Variants in ZFAND3 observed in about 807,000 individuals in gnomAD.
ZFAND3 encodes zinc finger AN1-type containing 3, also known as AN1-type zinc finger protein 3.
In ZFAND3, 10 loss-of-function variants were observed where a neutral mutation model predicts 29.6. The ratio of observed to expected loss-of-function variants is 0.34; its 90% CI spans 0.21 to 0.57. The LOEUF is 0.57. Ranked by LOEUF, ZFAND3 falls within the 20% of genes least tolerant of loss-of-function variation. ZFAND3 has a pLI of 0.86. For missense variants in ZFAND3, 230 were observed against 304.5 expected (o/e 0.76, Z 1.82); for synonymous variants, 128 against 112.6 (o/e 1.14, Z -0.87).
intron 1 of ZFAND3, among the ~76,000 whole-genome samples, chr6:37,863,662 C>A (rs1004247268): frequency 3.7e-4 from 55 of 148,864 alleles, no homozygotes; most frequent in Non-Finnish European, 6.1e-4. Context: ...AACATATTTT[C>A]AAATGGGTAA....
chr6:38,064,051 TTGA>T (rs1464981370), intron 3 of ZFAND3, among the ~76,000 whole-genome samples: 1 of 152,024 alleles, frequency 6.6e-6, no homozygotes, highest in African/African-American at 2.4e-5. Flanking sequence ...TACTGAGGAG[TTGA>T]TGACAGCTGT....
At chr6:37,957,501 T>C (rs1016086497) in intron 2 of ZFAND3, among the ~76,000 whole-genome samples, 1 of 152,110 alleles carries the variant, frequency 6.6e-6, no homozygotes, top group Non-Finnish European at 1.5e-5. Context: ...CATGTATACA[T>C]GTAAGTTGTT....
At chr6:38,071,259 C>T (rs926832246) in intron 3 of ZFAND3, among the ~76,000 whole-genome samples, 2 of 151,708 alleles carry the variant, frequency 1.3e-5, no homozygotes, top group Non-Finnish European at 2.9e-5. Context: ...TTTTGTCTTC[C>T]AGTTTTCTGT....
chr6:37,951,237 G>A (rs1030620020), intron 2 of ZFAND3, among the ~76,000 whole-genome samples: 2 of 152,112 alleles, frequency 1.3e-5, no homozygotes, highest in East Asian at 1.9e-4. Context: ...ATCCTGGAAC[G>A]TTGCCGAAGT....
intron 1 of ZFAND3, among the ~76,000 whole-genome samples, chr6:37,822,371 A>G (rs978781292): frequency 3.3e-5 from 5 of 152,196 alleles, no homozygotes; most frequent in South Asian, 2.1e-4. Flanking sequence ...AACCTTTCCT[A>G]AGGACGTTTG....
At chr6:37,920,357 T>C (rs1761355522) in intron 1 of ZFAND3, among the ~76,000 whole-genome samples, 1 of 152,084 alleles carries the variant, frequency 6.6e-6, no homozygotes, top group Non-Finnish European at 1.5e-5. Flanking sequence ...TCATATATTT[T>C]AATTTTTCTT....
At chr6:38,117,256 CTTTTTTTTTT>C (rs35684874) in intron 5 of ZFAND3, among the ~76,000 whole-genome samples, 4 of 96,352 alleles carry the variant, frequency 4.2e-5, no homozygotes, top group East Asian at 2.8e-4. Context: ...TTGAAATAGC[CTTTTTTTTTT>C]TTTTTTTTTT....
intron 5 of ZFAND3, among the ~76,000 whole-genome samples, chr6:38,135,617 C>T (rs535099754): frequency 2.2e-4 from 33 of 152,178 alleles, no homozygotes; most frequent in African/African-American, 3.9e-4. Context: ...TGGTGGCGTG[C>T]GCCTGTAATC....
intron 2 of ZFAND3, among the ~76,000 whole-genome samples, chr6:37,934,831 T>G (rs1220125285): frequency 1.2e-5 from 1 of 83,974 alleles, no homozygotes; most frequent in African/African-American, 4.8e-5. Flanking sequence ...AGAGTGAGAC[T>G]CTGTCTCAAA....
intron 2 of ZFAND3, among the ~76,000 whole-genome samples, chr6:37,946,587 T>C (rs1047220842): frequency 2.0e-5 from 3 of 152,220 alleles, no homozygotes; most frequent in African/African-American, 7.2e-5. Flanking sequence ...TTTGGTGTCC[T>C]GATCAGGGTT....
At chr6:37,938,756 TAAA>T (rs1761749752) in intron 2 of ZFAND3, among the ~76,000 whole-genome samples, 1 of 152,128 alleles carries the variant, frequency 6.6e-6, no homozygotes, top group African/African-American at 2.4e-5. Flanking sequence ...AGCAGTGTGT[TAAA>T]GATGATGATG....
chr6:37,840,400 A>G lies in ZFAND3; in HGVS notation c.71+20384A>G, dbSNP rs183900058. On this transcript the variant is annotated intron_variant, in intron 1 of 5. Transcript: ENST00000287218. Reference sequence around the variant, plus strand: ...AGACATGCGCCACCGCGCCTGGCCAATTTTATTTCATTAATTTCTGTCTTT... The same window carrying G: ...AGACATGCGCCACCGCGCCTGGCCAGTTTTATTTCATTAATTTCTGTCTTT... Among the ~76,000 whole-genome samples the G allele has an allele frequency of 1.7e-4, 26 of 152,336 alleles. No individual in the cohort carries two copies. The East Asian group carries it at 3.7e-3, about 21-fold the overall frequency.
intron 1 of ZFAND3, among the ~76,000 whole-genome samples, chr6:37,844,389 C>G (rs1764138757): frequency 1.3e-5 from 2 of 152,218 alleles, no homozygotes; most frequent in South Asian, 4.1e-4. Context: ...TCATGCCATT[C>G]TCCTGCCTCA....
intron 1 of ZFAND3, among the ~76,000 whole-genome samples, chr6:37,924,641 C>G (rs1268209504): frequency 6.6e-6 from 1 of 151,606 alleles, no homozygotes; most frequent in African/African-American, 2.4e-5. Context: ...TTGAGATCAG[C>G]CTGGGCAACA....
intron 1 of ZFAND3, among the ~76,000 whole-genome samples, chr6:37,923,986 T>G (rs1761433798): frequency 6.6e-6 from 1 of 152,156 alleles, no homozygotes; most frequent in South Asian, 2.1e-4. Context: ...TACTTTTTGT[T>G]TTTTTTTCTA....
chr6:37,954,682 CT>C (rs1762055453), intron 2 of ZFAND3, among the ~76,000 whole-genome samples: 1 of 152,092 alleles, frequency 6.6e-6, no homozygotes, highest in African/African-American at 2.4e-5. Context: ...TGTATTTTGT[CT>C]CGTTGCATTG....
intron 4 of ZFAND3, among the ~76,000 whole-genome samples, chr6:38,094,612 A>G (rs72852567): frequency 0.012 from 1,892 of 152,316 alleles, 16 homozygotes; most frequent in Non-Finnish European, 0.02. Context: ...GATTTAGCTT[A>G]TACTATTCCT....
chr6:37,941,606 A>C (rs552087299), intron 2 of ZFAND3, among the ~76,000 whole-genome samples: 1 of 152,314 alleles, frequency 6.6e-6, no homozygotes, highest in South Asian at 2.1e-4. Flanking sequence ...GTAGTGAAGC[A>C]CCATTTCTAT....
intron 4 of ZFAND3, among the ~76,000 whole-genome samples, chr6:38,092,193 C>A (rs564189441): frequency 6.6e-6 from 1 of 152,178 alleles, no homozygotes; most frequent in Non-Finnish European, 1.5e-5. Flanking sequence ...AGTTACAGAT[C>A]ACACCCTCAG....
Sources: gnomAD v4.1 joint callset for allele counts (sites outside exome capture counted in the v4.1 genomes callset) on GRCh38, gnomAD v4.1.1 for gene constraint, MANE v1.5 for transcripts, NCBI Gene and HGNC (gene_info 2026-07-23, HGNC 2026-07-21) for gene names.